CTNND2: variants seen among roughly 807,000 people sequenced by gnomAD.
CTNND2 encodes the protein catenin delta-2.
In CTNND2, 22 loss-of-function variants were observed where a neutral mutation model predicts 144.4. The observed-to-expected ratio is 0.15, with a 90% CI of 0.11 to 0.22. The LOEUF is 0.22. Ranked by LOEUF, CTNND2 falls within the 10% of genes least tolerant of loss-of-function variation. The pLI is 1.00. For synonymous variants in CTNND2, 751 were observed against 695.6 expected (o/e 1.08, Z -1.25); for missense variants, 1,353 against 1,618.8 (o/e 0.84, Z 2.82).
In CTNND2 at chr5:11,038,566, A is replaced by G. The variant is rs537522546; in HGVS notation, c.2789-15587T>C. ...AGGGAATCCCAACTCTACAGGCAGT[A>G]TGGCCAGGAGCACTGAAAACTTGGA... On this transcript the variant is annotated intron_variant, in intron 16 of 21. Coordinates refer to ENST00000304623, the MANE Select transcript of CTNND2 (RefSeq NM_001332.4). 1.3e-4 allele frequency among the ~76,000 whole-genome samples: 20 copies of G among 152,300 alleles called. 1 individual carries two copies. The highest frequency in any genetic ancestry group is 4.8e-4 in the African/African-American group (20 of 41,564).
chr5:11,282,818 G>A (rs757628937), intron 9 of CTNND2, among the ~76,000 whole-genome samples: 6 of 152,128 alleles, frequency 3.9e-5, no homozygotes, highest in South Asian at 2.1e-4. Flanking sequence ...CAGGTTTAAC[G>A]GCAACAATCT....
At chr5:11,480,194 A>G (rs1262201483) in intron 3 of CTNND2, among the ~76,000 whole-genome samples, 1 of 152,148 alleles carries the variant, frequency 6.6e-6, no homozygotes, top group Non-Finnish European at 1.5e-5. Flanking sequence ...CGTGTGGTGT[A>G]AGGAAGGGGT....
rs577336214 is a variant in CTNND2, at chr5:11,014,828, A to G, written c.3084+3146T>C. Among the ~76,000 whole-genome samples, 5 of 152,254 alleles carry G rather than the reference A, an allele frequency of 3.3e-5. No individual in the cohort carries two copies. The South Asian group carries it at 1.0e-3, about 32-fold the overall frequency. Reference sequence around the variant, plus strand: ...CTGTTCCACGGACATGTAACTCTCAATCCAATTCCCATCTCTCCCCTCACA... The same window carrying G: ...CTGTTCCACGGACATGTAACTCTCAGTCCAATTCCCATCTCTCCCCTCACA... On this transcript the variant is annotated intron_variant, in intron 18 of 21. Coordinates refer to ENST00000304623, the MANE Select transcript of CTNND2 (RefSeq NM_001332.4).
chr5:11,149,604 A>G (rs999430923), intron 12 of CTNND2, among the ~76,000 whole-genome samples: 2 of 152,112 alleles, frequency 1.3e-5, no homozygotes, highest in Admixed American at 1.3e-4. Context: ...CTGCTTGTTA[A>G]TGGGGAGCGA....
intron 1 of CTNND2, among the ~76,000 whole-genome samples, chr5:11,752,597 A>G (rs945659387): frequency 5.4e-5 from 8 of 148,764 alleles, no homozygotes; most frequent in African/African-American, 2.0e-4. Flanking sequence ...GTAGGCTTAT[A>G]GTATAGTTTA....
intron 12 of CTNND2, among the ~76,000 whole-genome samples, chr5:11,146,141 A>C (rs10073056): frequency 0.63 from 95,869 of 151,974 alleles, 30,278 homozygotes; most frequent in East Asian, 0.73. Flanking sequence ...TTCTGTTAAA[A>C]CACAACTGTC....
At chr5:11,389,035 C>A (rs191281393) in intron 6 of CTNND2, among the ~76,000 whole-genome samples, 2 of 152,210 alleles carry the variant, frequency 1.3e-5, no homozygotes, top group African/African-American at 4.8e-5. Flanking sequence ...ATGTGTGACT[C>A]TGAAAATAAA....
chr5:11,185,473 G>C lies in CTNND2; in HGVS notation c.1975+13975C>G, dbSNP rs76844969. 8.6e-3 allele frequency among the ~76,000 whole-genome samples: 1,313 copies of C among 152,298 alleles called. 43 individuals are homozygous for C. In the East Asian group the frequency reaches 0.1, roughly 12 times the overall value. The stretch of plus-strand genomic sequence containing the variant: ...CAGTCCCATTTCCTGACTTCTCTGG[G>C]ATTACAGGCCTCATGATACAGGCTC... On this transcript the variant is annotated intron_variant, in intron 11 of 21. Coordinates refer to ENST00000304623, the MANE Select transcript of CTNND2 (RefSeq NM_001332.4).
At chr5:11,786,976 T>C (rs1790870778) in intron 1 of CTNND2, among the ~76,000 whole-genome samples, 1 of 152,144 alleles carries the variant, frequency 6.6e-6, no homozygotes, top group African/African-American at 2.4e-5. Flanking sequence ...ACATGCAAAA[T>C]TGTTTAAACA....
chr5:11,269,411 G>C (rs771206305), intron 9 of CTNND2, among the ~76,000 whole-genome samples: 9 of 152,138 alleles, frequency 5.9e-5, no homozygotes, highest in Non-Finnish European at 1.2e-4. Context: ...AGTTTCCTCT[G>C]ATTTATTGAT....
intron 2 of CTNND2, among the ~76,000 whole-genome samples, chr5:11,720,166 T>C (rs1315601741): frequency 1.3e-5 from 2 of 152,292 alleles, no homozygotes; most frequent in African/African-American, 4.8e-5. Flanking sequence ...TTGAGAGTAC[T>C]TCCCTAAATT....
At chr5:11,786,142 C>T (rs1322356912) in intron 1 of CTNND2, among the ~76,000 whole-genome samples, 1 of 152,226 alleles carries the variant, frequency 6.6e-6, no homozygotes, top group Non-Finnish European at 1.5e-5. Flanking sequence ...ACCCAGCCAT[C>T]TCACAACAAC....
At chr5:11,746,639 CATAT>C (rs1363946312) in intron 1 of CTNND2, among the ~76,000 whole-genome samples, 1 of 151,872 alleles carries the variant, frequency 6.6e-6, no homozygotes, top group Non-Finnish European at 1.5e-5. Flanking sequence ...ATGGAAATAC[CATAT>C]ATTTTACATT....
rs1265866973 is a variant in CTNND2 at position 11,903,331 on chromosome 5, G to A, written c.37+486C>T. 7 of 986,428 alleles carry A rather than the reference G, an allele frequency of 7.1e-6. No homozygotes were observed. The highest frequency in any genetic ancestry group is 2.4e-6 in the Non-Finnish European group (2 of 830,816). The allele number at this position is 986,428 out of a possible 1,614,324, so 61.1% of individuals were successfully genotyped here. A position where few individuals can be genotyped will look rare whatever the true frequency, so the allele number is the denominator to read the frequency against. On this transcript the variant is annotated intron_variant, in intron 1 of 21. Transcript: ENST00000304623. This position sits in a 1 kb window ranked among gnomAD's most constrained non-coding sequence, Gnocchi z 5.4. ...CAAGCCGCGGGAGCCTGAAGACACG[G>A]CCATGGACGCATATGACTAAGTCTT... is the stretch of plus-strand genomic sequence containing the variant.
Position 11,551,432 on chromosome 5 carries a change from C to CTTTT in CTNND2, c.287+13508_287+13511dup, listed in dbSNP as rs70949326. On this transcript the variant is annotated intron_variant, in intron 3 of 21. Coordinates refer to ENST00000304623, the MANE Select transcript of CTNND2 (RefSeq NM_001332.4). ...AGCATATTTATGCTTTTTCTTTTTTCTTTTTTTTTTTTTTTTTTTTTGATA... is the reference window on the plus strand; with the variant it reads ...AGCATATTTATGCTTTTTCTTTTTTCTTTTTTTTTTTTTTTTTTTTTTTTTGATA... Among the ~76,000 whole-genome samples the CTTTT allele has an allele frequency of 2.2e-3, 217 of 100,890 alleles. 4 individuals carry two copies. Among genetic ancestry groups the CTTTT allele is most frequent in the African/African-American group, 7.4e-3 (205 of 27,638 alleles). 66.2% of individuals were successfully genotyped at this position (100,890 alleles called of 152,430 possible).
At chr5:11,406,857 T>A (rs1761140593) in intron 5 of CTNND2, among the ~76,000 whole-genome samples, 1 of 152,114 alleles carries the variant, frequency 6.6e-6, no homozygotes, top group Non-Finnish European at 1.5e-5. Flanking sequence ...TCAGAATATA[T>A]TAGCTCTGAA....
chr5:11,667,780 T>C (rs1783655278), intron 2 of CTNND2, among the ~76,000 whole-genome samples: 1 of 152,230 alleles, frequency 6.6e-6, no homozygotes, highest in South Asian at 2.1e-4. Context: ...TTAGATCCCA[T>C]TTTTCTATTT....
chr5:11,180,325 A>C (rs1479341620), intron 11 of CTNND2, among the ~76,000 whole-genome samples: 1 of 152,174 alleles, frequency 6.6e-6, no homozygotes, highest in Non-Finnish European at 1.5e-5. Context: ...GAGTTAATTA[A>C]ACTTCTTTCC....
At chr5:11,229,346 T>A (rs912674050) in intron 10 of CTNND2, among the ~76,000 whole-genome samples, 1 of 152,174 alleles carries the variant, frequency 6.6e-6, no homozygotes, top group Non-Finnish European at 1.5e-5. Context: ...GTTAATTGAT[T>A]TATTAACTTA....
Sources: allele counts gnomAD v4.1 joint callset (sites outside exome capture counted in the v4.1 genomes callset), GRCh38; gene constraint gnomAD v4.1.1; non-coding constraint Gnocchi (gnomAD v3.1); transcripts MANE v1.5; gene names NCBI Gene and HGNC (gene_info 2026-07-23, HGNC 2026-07-21).